The following PASK variants were observed in gnomAD, a reference collection of about 807,000 sequenced individuals.
The protein encoded by PASK is PAS domain containing serine/threonine kinase, also known as PAS domain-containing serine/threonine-protein kinase.
In PASK, 110 loss-of-function variants were observed where a neutral mutation model predicts 121.0. The observed-to-expected ratio is 0.91, with a 90% CI of 0.78 to 1.06. The LOEUF is 1.06. Among genes scored for constraint, PASK ranks in the 50% least tolerant of loss-of-function variants. The probability of loss-of-function intolerance (pLI) is 0.00; values close to 1 mark genes in which losing one functional copy is unlikely to be tolerated. For missense variants in PASK, 1,643 were observed against 1,702.3 expected (o/e 0.97, Z 0.61); for synonymous variants, 686 against 717.8 (o/e 0.96, Z 0.71).
At chr2:241,135,661 T>C (rs570219273) in intron 8 of PASK, among the ~76,000 whole-genome samples, 1 of 152,006 alleles carries the variant, frequency 6.6e-6, no homozygotes, top group Admixed American at 6.5e-5. Flanking sequence ...TTCTCTTCTC[T>C]ATGCTCATAT....
rs1443514042 is a variant in PASK, at chr2:241,137,153, C to CCGCCTCACCGGTGGT, written c.973_987dup (p.Thr325_Ala329dup). ...GATGCCCGGTAGCCGCTCACAGGGG[C>CCGCCTCACCGGTGGT]CGCCTCACCGGTGGTCGCCTCCTCG... On this transcript the variant is annotated inframe_insertion, in exon 7 of 18. Coordinates refer to ENST00000234040, the MANE Select transcript of PASK (RefSeq NM_015148.4). The CCGCCTCACCGGTGGT allele has an allele frequency of 2.5e-6, 4 of 1,613,442 alleles. No individual in the cohort carries two copies. Among genetic ancestry groups the CCGCCTCACCGGTGGT allele is most frequent in the East Asian group, 2.2e-5 (1 of 44,890 alleles).
intron 12 of PASK, among the ~76,000 whole-genome samples, chr2:241,120,823 G>T (rs904492592): frequency 3.3e-5 from 5 of 152,168 alleles, no homozygotes; most frequent in Non-Finnish European, 7.3e-5. Context: ...GCACTACTAG[G>T]TATATGCCTA....
chr2:241,142,470 C>G (rs1262831277), intron 2 of PASK, among the ~76,000 whole-genome samples: 3 of 152,252 alleles, frequency 2.0e-5, no homozygotes, highest in Non-Finnish European at 4.4e-5. Flanking sequence ...CCGCGTTTAG[C>G]TCAGTAAACT....
chr2:241,124,948 C>T (rs1052791965), intron 10 of PASK, among the ~76,000 whole-genome samples: 2 of 151,980 alleles, frequency 1.3e-5, no homozygotes, highest in African/African-American at 4.8e-5. Flanking sequence ...GGGCGGATCA[C>T]GAGGTCAGGA....
chr2:241,129,558 A>T (rs544639919), intron 9 of PASK, among the ~76,000 whole-genome samples: 2 of 152,224 alleles, frequency 1.3e-5, no homozygotes, highest in African/African-American at 2.4e-5. Flanking sequence ...TGACCGTCCA[A>T]TGCTTTTAGC....
intron 2 of PASK, among the ~76,000 whole-genome samples, chr2:241,142,484 C>T (rs899392320): frequency 6.6e-6 from 1 of 152,238 alleles, no homozygotes; most frequent in Non-Finnish European, 1.5e-5. Flanking sequence ...GTAAACTGCA[C>T]GAGCAAAGCT....
intron 12 of PASK, among the ~76,000 whole-genome samples, chr2:241,115,719 C>A (rs1325253784): frequency 2.1e-4 from 28 of 130,272 alleles, no homozygotes; most frequent in Middle Eastern, 5.7e-3. Flanking sequence ...TACACCGGGG[C>A]CACCCGGTCC....
intron 12 of PASK, among the ~76,000 whole-genome samples, chr2:241,117,740 A>T (rs906485699): frequency 2.6e-5 from 4 of 152,246 alleles, no homozygotes; most frequent in African/African-American, 7.2e-5. Flanking sequence ...GCTAGATTAC[A>T]ACAGATACAG....
chr2:241,140,192 G>A, intron 3 of PASK, 137 bp from the exon 4 acceptor site: 1 of 755,692 alleles, frequency 1.3e-6, no homozygotes, highest in South Asian at 1.5e-5. Context: ...CCAGGCTGGA[G>A]TGCAGTGGCG....
At position 241,108,415 on chromosome 2, in the gene PASK, C is replaced by T; in HGVS notation, c.3534-115G>A. ...CAGCACACAGGCCAGGCAGTGGTTTCCCAAGAGGAGGGTCACTCCACCCCT... is the reference window on the plus strand; with the variant it reads ...CAGCACACAGGCCAGGCAGTGGTTTTCCAAGAGGAGGGTCACTCCACCCCT... On this transcript the variant is annotated intron_variant, in intron 15 of 17. Transcript: ENST00000234040. The surrounding 1 kb of genome is among the most constrained non-coding windows in gnomAD (Gnocchi z 5.2). 2.8e-6 allele frequency: 3 copies of T among 1,067,650 alleles called. No individual in the cohort carries two copies. The East Asian group carries it at 7.5e-5, about 27-fold the overall frequency. The allele number at this position is 1,067,650 out of a possible 1,614,324, so 66.1% of individuals were successfully genotyped here. A position where few individuals can be genotyped will look rare whatever the true frequency, so the allele number is the denominator to read the frequency against.
Position 241,122,843 on chromosome 2 carries a change from C to A in PASK, c.2961G>T (p.Gly987=), listed in dbSNP as rs762427812. The part of the protein sequence containing the change: ...EEPPKAVELE[G]LAACEGEYSQ... ...AGTACTCGCCCTCACAGGCCGCCAA[C>A]CCCTCCAGTTCCACAGCCTTGGGGG... The change falls in exon 12 of 18, where the codon GGG becomes GGT. Residue 987 remains glycine, a synonymous_variant. Coordinates refer to ENST00000234040, the MANE Select transcript of PASK (RefSeq NM_015148.4). 2 of 1,614,246 alleles carry A rather than the reference C, an allele frequency of 1.2e-6. No individual in the cohort carries two copies. The highest frequency in any genetic ancestry group is 4.5e-5 in the East Asian group (2 of 44,882).
intron 2 of PASK, among the ~76,000 whole-genome samples, chr2:241,142,383 AAGGAGGCACCAACGGAATCTGGACAT>A (rs556917977): frequency 1.6e-3 from 251 of 152,286 alleles, no homozygotes; most frequent in African/African-American, 5.8e-3. Context: ...TGCCTGGACA[AAGGAGGCACCAACGGAATCTGGACAT>A]AGGAGGCACC....
chr2:241,110,486 G>A (rs1031803573), intron 15 of PASK, among the ~76,000 whole-genome samples: 2 of 152,218 alleles, frequency 1.3e-5, no homozygotes, highest in African/African-American at 2.4e-5. Flanking sequence ...CTGCAGCCCC[G>A]CAGGCCCAGG....
chr2:241,121,013 T>C (rs572477975), intron 12 of PASK, among the ~76,000 whole-genome samples: 4 of 152,366 alleles, frequency 2.6e-5, no homozygotes, highest in South Asian at 4.1e-4. Flanking sequence ...GAAGTACTTA[T>C]ACATGCTGCA....
In PASK at chr2:241,112,264, G is replaced by A; in HGVS notation, c.3509C>T (p.Ala1170Val). Residue 1170 changes from alanine (A) to valine (V), a missense_variant, in exon 15 of 18, where the codon GCA (alanine) becomes GTA (valine). This residue lies in a region of PASK where 453 missense variants were observed against 511.2 expected (regional missense o/e 0.89). Transcript: ENST00000234040. This position sits in a 1 kb window ranked among gnomAD's most constrained non-coding sequence, Gnocchi z 5.2. ...CGGATTCCCCATGAGAACTTCCGGTGCACAGTACTCGATGGTCCCACAAAA... is the reference window on the plus strand; with the variant it reads ...CGGATTCCCCATGAGAACTTCCGGTACACAGTACTCGATGGTCCCACAAAA... ...YTFCGTIEYCAPEVLMGNPYR... is the reference protein window; with the variant it reads ...YTFCGTIEYCVPEVLMGNPYR... 6.2e-7 allele frequency: 1 copy of A among 1,613,692 alleles called. No individual in the cohort carries two copies.
At chr2:241,142,734 A>G in intron 2 of PASK, 103 bp downstream of exon 2, 1 of 902,956 alleles carries the variant, frequency 1.1e-6, no homozygotes, top group Non-Finnish European at 1.8e-6. Context: ...CTGCAGGAAT[A>G]GAGTGACTTC....
intron 9 of PASK, among the ~76,000 whole-genome samples, chr2:241,131,653 T>C (rs1056480012): frequency 1.3e-5 from 2 of 151,870 alleles, no homozygotes; most frequent in African/African-American, 4.8e-5. Context: ...CAGCAGGGTG[T>C]AGGGGGCACA....
intron 1 of PASK, among the ~76,000 whole-genome samples, 191 bp downstream of exon 1, chr2:241,149,223 G>A (rs1210394326): frequency 1.3e-5 from 2 of 152,158 alleles, no homozygotes; most frequent in East Asian, 3.9e-4. Context: ...CGCGATTTGG[G>A]CACGGAGAGG....
chr2:241,106,681 C>A lies in PASK; in HGVS notation c.3857G>T (p.Arg1286Met). 6.2e-7 allele frequency: 1 copy of A among 1,614,144 alleles called. No individual in the cohort carries two copies. Among genetic ancestry groups the A allele is most frequent in the Non-Finnish European group, 8.5e-7 (1 of 1,179,940 alleles). ...AGCCTGGGCCACATCACTCAGGCTC[C>A]TGTTCCCCATCTCCAGGCTCGCAGC... ...LSAASLEMGN[R>M]SLSDVAQAQE... Residue 1286 changes from arginine (R) to methionine (M), a missense_variant, in exon 18 of 18, where the codon AGG (arginine) becomes ATG (methionine). Physicochemically the swap from Arg to Met is moderately conservative, Grantham distance 91. Transcript: ENST00000234040.
Sources: allele counts gnomAD v4.1 joint callset (sites outside exome capture counted in the v4.1 genomes callset), GRCh38; gene constraint gnomAD v4.1.1; regional missense constraint gnomAD v4.1.1; non-coding constraint Gnocchi (gnomAD v3.1); transcripts MANE v1.5; gene names NCBI Gene and HGNC (gene_info 2026-07-23, HGNC 2026-07-21).